The following DLG2 variants were observed in gnomAD, a reference collection of about 807,000 sequenced individuals.
The protein encoded by DLG2 is disks large homolog 2.
Under a neutral mutation model 132.5 loss-of-function variants are expected in DLG2, and 45 were observed. That is an observed-to-expected ratio of 0.34 (90% CI 0.27 to 0.44). The LOEUF is 0.44. Ranked by LOEUF, DLG2 falls within the 20% of genes least tolerant of loss-of-function variation. The pLI is 1.00. For synonymous variants in DLG2, 424 were observed against 419.6 expected, an observed-to-expected ratio of 1.01 and a Z score of -0.13; for missense variants, 1,045 against 1,196.9, an observed-to-expected ratio of 0.87 and a Z score of 1.87.
intron 6 of DLG2, among the ~76,000 whole-genome samples, chr11:84,662,801 A>AAG (rs1422573026): frequency 6.6e-6 from 1 of 151,560 alleles, no homozygotes; most frequent in East Asian, 2.0e-4. Flanking sequence ...AAAAAAAAAA[A>AAG]AAAAAAGGCA....
chr11:83,909,408 C>T (rs533643749), intron 15 of DLG2, among the ~76,000 whole-genome samples: 1 of 152,122 alleles, frequency 6.6e-6, no homozygotes, highest in Non-Finnish European at 1.5e-5. Flanking sequence ...TAATTCGTGG[C>T]AGTAAACTGA....
intron 6 of DLG2, among the ~76,000 whole-genome samples, chr11:84,667,498 G>GTTTTTTGTTTTTTTTTTTTTTT (rs2099701014): frequency 8.2e-6 from 1 of 122,272 alleles, no homozygotes; most frequent in Non-Finnish European, 1.6e-5. Flanking sequence ...TTTGTTTTTT[G>GTTTTTTGTTTTTTTTTTTTTTT]TTTTTTTTTT....
intron 6 of DLG2, among the ~76,000 whole-genome samples, chr11:84,653,222 A>T (rs2154546893): frequency 6.6e-6 from 1 of 152,282 alleles, no homozygotes; most frequent in East Asian, 1.9e-4. Context: ...GAGCCACTGC[A>T]CCTTGCCCAA....
chr11:85,113,891 A>G (rs979058396), intron 5 of DLG2, among the ~76,000 whole-genome samples: 1 of 151,994 alleles, frequency 6.6e-6, no homozygotes, highest in Non-Finnish European at 1.5e-5. Flanking sequence ...TCATTCTGAT[A>G]TACTGATGAG....
rs138578478 is a variant in DLG2 at position 83,687,017 on chromosome 11, A to G, written c.1826-53692T>C. On this transcript the variant is annotated intron_variant, in intron 18 of 27. Coordinates refer to ENST00000376104, the MANE Select transcript of DLG2 (RefSeq NM_001142699.3). ...TGTTCTCATAAAAACAGGAAATTTG[A>G]GCACAGAGGTGCACACAGGGAGAAT... 3.9e-4 allele frequency among the ~76,000 whole-genome samples: 60 copies of G among 152,316 alleles called. No homozygotes were observed. In the East Asian group the frequency reaches 0.011, roughly 27 times the overall value.
intron 6 of DLG2, among the ~76,000 whole-genome samples, chr11:84,601,578 C>G (rs1164974134): frequency 6.6e-6 from 1 of 151,906 alleles, no homozygotes; most frequent in African/African-American, 2.4e-5. Context: ...TACAAAATGA[C>G]AGGATTTGGT....
chr11:83,654,186 C>A (rs1229410265), intron 18 of DLG2, among the ~76,000 whole-genome samples: 1 of 152,120 alleles, frequency 6.6e-6, no homozygotes, highest in Non-Finnish European at 1.5e-5. Flanking sequence ...TGCCCCCATA[C>A]AAGATAAAAC....
chr11:85,092,025 T>C (rs920192139), intron 6 of DLG2, among the ~76,000 whole-genome samples: 5 of 152,220 alleles, frequency 3.3e-5, no homozygotes, highest in Non-Finnish European at 5.9e-5. Flanking sequence ...TTACAATCTA[T>C]GGCAGCAATA....
rs564014971 is a variant in DLG2, at chr11:85,432,809, T to C, written c.41-147444A>G. On this transcript the variant is annotated intron_variant, in intron 3 of 27. Coordinates refer to ENST00000376104, the MANE Select transcript of DLG2 (RefSeq NM_001142699.3). ...AAAGACAACATTCAGATTCAGGAAA[T>C]ACAGAGAAACTGACTAAGATACTCC... is the stretch of plus-strand genomic sequence containing the variant. Among the ~76,000 whole-genome samples, 5 of 152,006 alleles carry C rather than the reference T, an allele frequency of 3.3e-5. No individual in the cohort carries two copies. In the South Asian group the frequency reaches 8.3e-4, roughly 25 times the overall value.
chr11:84,744,898 T>TAAAAA (rs758776805), intron 6 of DLG2, among the ~76,000 whole-genome samples: 4 of 71,806 alleles, frequency 5.6e-5, no homozygotes, highest in Admixed American at 3.2e-4. Flanking sequence ...AGTAAAGGTC[T>TAAAAA]AAAAAAAAAA....
intron 16 of DLG2, among the ~76,000 whole-genome samples, chr11:83,838,023 A>G (rs1762638694): frequency 6.6e-6 from 1 of 152,154 alleles, no homozygotes; most frequent in Non-Finnish European, 1.5e-5. Flanking sequence ...AGTGGGTCCA[A>G]CAACACTGAA....
chr11:84,744,317 C>G (rs2065077106), intron 6 of DLG2, among the ~76,000 whole-genome samples: 1 of 152,178 alleles, frequency 6.6e-6, no homozygotes, highest in Admixed American at 6.5e-5. Context: ...CCTTTTAACT[C>G]TTGCACAATG....
intron 8 of DLG2, among the ~76,000 whole-genome samples, chr11:84,232,484 C>T (rs538020957): frequency 6.6e-6 from 1 of 152,148 alleles, no homozygotes; most frequent in Non-Finnish European, 1.5e-5. Context: ...ATTTTACCCC[C>T]CTAAAATTCA....
chr11:84,733,496 C>G (rs563036312), intron 6 of DLG2, among the ~76,000 whole-genome samples: 1 of 151,784 alleles, frequency 6.6e-6, no homozygotes, highest in South Asian at 2.1e-4. Flanking sequence ...TTGTTTCTTT[C>G]TTGTAAATTT....
At chr11:83,595,238 G>C (rs1409649324) in intron 19 of DLG2, among the ~76,000 whole-genome samples, 1 of 152,068 alleles carries the variant, frequency 6.6e-6, no homozygotes, top group Non-Finnish European at 1.5e-5. Context: ...GCTGCACTGG[G>C]GTTTCAACTA....
At chr11:84,591,223 CTGTG>C (rs781411791) in intron 6 of DLG2, among the ~76,000 whole-genome samples, 33 of 139,282 alleles carry the variant, frequency 2.4e-4, no homozygotes, top group South Asian at 1.7e-3. Flanking sequence ...ATGTGTCTCT[CTGTG>C]TGTGTGTGTG....
intron 3 of DLG2, among the ~76,000 whole-genome samples, chr11:85,448,064 G>A (rs375095296): frequency 3.3e-5 from 5 of 152,200 alleles, no homozygotes; most frequent in Non-Finnish European, 4.4e-5. Flanking sequence ...TCTTAGCCTC[G>A]ATTGCTAATA....
intron 6 of DLG2, among the ~76,000 whole-genome samples, chr11:84,934,515 G>GTTTTTTTTTTTTTTTTTT (rs2048482997): frequency 2.5e-5 from 1 of 40,476 alleles, no homozygotes; most frequent in African/African-American, 1.0e-4. Flanking sequence ...TTTTTTTTTT[G>GTTTTTTTTTTTTTTTTTT]TTTTGTTTTG....
At chr11:84,269,952 A>G (rs1405213896) in intron 7 of DLG2, among the ~76,000 whole-genome samples, 1 of 152,210 alleles carries the variant, frequency 6.6e-6, no homozygotes, top group East Asian at 1.9e-4. Context: ...ACTTTTGGGC[A>G]CTTGTCCTGT....
Sources: gnomAD v4.1 joint callset for allele counts (sites outside exome capture counted in the v4.1 genomes callset) on GRCh38, gnomAD v4.1.1 for gene constraint, MANE v1.5 for transcripts, NCBI Gene and HGNC (gene_info 2026-07-23, HGNC 2026-07-21) for gene names.